Variants in PCSK6 observed in about 807,000 individuals in gnomAD.
The protein encoded by PCSK6 is proprotein convertase subtilisin/kexin type 6, also known as paired basic amino acid cleaving enzyme 4.
In PCSK6, 85 loss-of-function variants were observed where a neutral mutation model predicts 123.3. The ratio of observed to expected loss-of-function variants is 0.69; its 90% CI spans 0.58 to 0.83. The LOEUF (loss-of-function observed/expected upper bound fraction) is 0.83, where lower values mean the gene tolerates loss of function less well. Ranked by LOEUF, PCSK6 falls within the 40% of genes least tolerant of loss-of-function variation. The pLI is 0.00. For missense variants in PCSK6, 1,191 were observed against 1,282.3 expected, an observed-to-expected ratio of 0.93 and a Z score of 1.09; for synonymous variants, 508 against 516.0, an observed-to-expected ratio of 0.98 and a Z score of 0.21.
intron 8 of PCSK6, among the ~76,000 whole-genome samples, chr15:101,390,814 G>C (rs2042212617): frequency 6.6e-6 from 1 of 152,204 alleles, no homozygotes; most frequent in African/African-American, 2.4e-5. Context: ...GAGGCTCCTG[G>C]ACTTCTGGCC....
intron 13 of PCSK6, among the ~76,000 whole-genome samples, chr15:101,364,415 A>G (rs2041329516): frequency 6.6e-6 from 1 of 152,202 alleles, no homozygotes; most frequent in Non-Finnish European, 1.5e-5. Flanking sequence ...TTGTAACCCC[A>G]TTACCTAGAT....
At chr15:101,427,775 G>A in intron 6 of PCSK6, 117 bp downstream of exon 6, 3 of 731,194 alleles carry the variant, frequency 4.1e-6, no homozygotes, top group Non-Finnish European at 6.9e-6. Flanking sequence ...TGGCCCAGGG[G>A]TCTGCTGACA....
At chr15:101,328,621 CT>C (rs1232700499) in intron 15 of PCSK6, among the ~76,000 whole-genome samples, 3 of 152,284 alleles carry the variant, frequency 2.0e-5, no homozygotes, top group African/African-American at 7.2e-5. Context: ...CCCCCCACCC[CT>C]GTTCCTGGGT....
At position 101,409,371 on chromosome 15, in the gene PCSK6, GT is replaced by G. The variant is rs1324738649; in HGVS notation, c.824-10796del. 2.0e-5 allele frequency among the ~76,000 whole-genome samples: 3 copies of G among 152,264 alleles called. No homozygotes were observed. The East Asian group carries it at 5.8e-4, about 29-fold the overall frequency. ...GCGGCCGAGGCGGGCGGATCACGAG[GT>G]CAGGAGATCGAGACCATCCTGGCTA... On this transcript the variant is annotated intron_variant, in intron 6 of 21. Coordinates refer to ENST00000611716, the MANE Select transcript of PCSK6 (RefSeq NM_002570.5).
At chr15:101,467,749 G>T (rs2057499190) in intron 1 of PCSK6, among the ~76,000 whole-genome samples, 1 of 152,182 alleles carries the variant, frequency 6.6e-6, no homozygotes, top group African/African-American at 2.4e-5. Flanking sequence ...TAAACTGGGG[G>T]GAGAAAAGCA....
intron 2 of PCSK6, among the ~76,000 whole-genome samples, chr15:101,436,425 C>G (rs752367579): frequency 6.6e-6 from 1 of 152,218 alleles, no homozygotes; most frequent in African/African-American, 2.4e-5. Flanking sequence ...GACAGCTCGG[C>G]CAGCTCTTTC....
rs1029596512 is a variant in PCSK6 at position 101,400,588 on chromosome 15, G to C, written c.824-2012C>G. ...AGAGCAACAGGAAGGAGACCCTGGA[G>C]GTGACACCCTCCCTAGGTGCTCAGG... On this transcript the variant is annotated intron_variant, in intron 6 of 21. Transcript: ENST00000611716. Among the ~76,000 whole-genome samples, 4 of 152,244 alleles carry C rather than the reference G, an allele frequency of 2.6e-5. No individual in the cohort carries two copies. In the East Asian group the frequency reaches 7.7e-4, roughly 29 times the overall value.
chr15:101,340,270 A>T (rs1014145332), intron 13 of PCSK6, among the ~76,000 whole-genome samples: 1 of 152,128 alleles, frequency 6.6e-6, no homozygotes, highest in Admixed American at 6.6e-5. Flanking sequence ...CAGGCTAAGA[A>T]AGGGGAGATA....
intron 18 of PCSK6, among the ~76,000 whole-genome samples, chr15:101,319,494 A>G (rs2040068218): frequency 6.6e-6 from 1 of 152,220 alleles, no homozygotes; most frequent in African/African-American, 2.4e-5. Context: ...GTCTTTAATA[A>G]CTGATAGCTG....
At chr15:101,356,049 G>A (rs1214940187) in intron 13 of PCSK6, among the ~76,000 whole-genome samples, 3 of 152,218 alleles carry the variant, frequency 2.0e-5, no homozygotes, top group East Asian at 1.9e-4. Flanking sequence ...TCTGACGTGG[G>A]AGAATGAAGC....
At chr15:101,365,940 A>C in intron 13 of PCSK6, 3 of 309,174 alleles carry the variant, frequency 9.7e-6, no homozygotes, top group East Asian at 5.8e-5. Context: ...CTTCATGGGT[A>C]TGGGGTTTCT....
At chr15:101,324,256 C>T (rs2040196947) in intron 17 of PCSK6, among the ~76,000 whole-genome samples, 1 of 152,232 alleles carries the variant, frequency 6.6e-6, no homozygotes, top group Non-Finnish European at 1.5e-5. Flanking sequence ...CCTTCCGAGC[C>T]CAACTGACGT....
At chr15:101,424,659 C>A (rs936199896) in intron 6 of PCSK6, among the ~76,000 whole-genome samples, 2 of 152,136 alleles carry the variant, frequency 1.3e-5, no homozygotes, top group African/African-American at 2.4e-5. Context: ...AAGTAGTTTG[C>A]GGTCAACTAC....
At position 101,332,382 on chromosome 15, in the gene PCSK6, C is replaced by T. The variant is rs192118878; in HGVS notation, c.1859-351G>A. On this transcript the variant is annotated intron_variant, in intron 13 of 21. Coordinates refer to ENST00000611716, the MANE Select transcript of PCSK6 (RefSeq NM_002570.5). ...GCAGCCTCCCTCGATGCTGCCTCCCCGATGCCTAGCAGCAGCCACCTTCCC... is the reference window on the plus strand; with the variant it reads ...GCAGCCTCCCTCGATGCTGCCTCCCTGATGCCTAGCAGCAGCCACCTTCCC... Among the ~76,000 whole-genome samples the T allele has an allele frequency of 2.8e-3, 423 of 152,338 alleles. 3 individuals carry two copies. The highest frequency in any genetic ancestry group is 9.5e-3 in the African/African-American group (395 of 41,586).
intron 6 of PCSK6, among the ~76,000 whole-genome samples, chr15:101,420,201 A>AAAAC (rs2056038177): frequency 6.6e-6 from 1 of 151,684 alleles, no homozygotes; most frequent in South Asian, 2.1e-4. Flanking sequence ...AAAAAAAAAA[A>AAAAC]AAAAAAGCTA....
At chr15:101,334,978 T>C (rs1352302197) in intron 13 of PCSK6, among the ~76,000 whole-genome samples, 1 of 152,202 alleles carries the variant, frequency 6.6e-6, no homozygotes, top group Non-Finnish European at 1.5e-5. Context: ...TGTGTGTATT[T>C]AGACAGGGTC....
chr15:101,313,088 G>A lies in PCSK6; in HGVS notation c.2699+288C>T, dbSNP rs144162911. 7,658 of 1,351,010 alleles carry A rather than the reference G, an allele frequency of 5.7e-3. 29 individuals are homozygous for A. The highest frequency in any genetic ancestry group is 6.7e-3 in the Non-Finnish European group (6,983 of 1,035,030). The allele number at this position is 1,351,010 out of a possible 1,614,324, so 83.7% of individuals were successfully genotyped here. A position where few individuals can be genotyped will look rare whatever the true frequency, so the allele number is the denominator to read the frequency against. ...ATGCATGCTGAGCGCGACATGGGCA[G>A]GGACGTCCCGCGTAGTCCACCAATG... On this transcript the variant is annotated intron_variant, in intron 20 of 21. Coordinates refer to ENST00000611716, the MANE Select transcript of PCSK6 (RefSeq NM_002570.5).
At chr15:101,415,825 T>G (rs1357824279) in intron 6 of PCSK6, among the ~76,000 whole-genome samples, 1 of 152,210 alleles carries the variant, frequency 6.6e-6, no homozygotes, top group Non-Finnish European at 1.5e-5. Flanking sequence ...TCCTCCTCAT[T>G]TTTCTCTTGC....
At chr15:101,423,622 G>A (rs2056156597) in intron 6 of PCSK6, among the ~76,000 whole-genome samples, 1 of 151,906 alleles carries the variant, frequency 6.6e-6, no homozygotes, top group Admixed American at 6.6e-5. Flanking sequence ...TTAACTTGAA[G>A]TTCAATAAAA....
Sources: allele counts gnomAD v4.1 joint callset (sites outside exome capture counted in the v4.1 genomes callset), GRCh38; gene constraint gnomAD v4.1.1; transcripts MANE v1.5; gene names NCBI Gene and HGNC (gene_info 2026-07-23, HGNC 2026-07-21).